Variants in SLCO2B1 observed in about 807,000 individuals in gnomAD.
SLCO2B1 encodes solute carrier organic anion transporter family member 2B1.
A neutral mutation model predicts 67.3 loss-of-function variants in SLCO2B1; 41 were observed. The observed-to-expected ratio is 0.61, with a 90% CI of 0.47 to 0.79. The LOEUF (loss-of-function observed/expected upper bound fraction) is 0.79, where lower values mean the gene tolerates loss of function less well. Ranked by LOEUF, SLCO2B1 falls within the 30% of genes least tolerant of loss-of-function variation. SLCO2B1 has a pLI of 0.00. For missense variants in SLCO2B1, 837 were observed against 920.1 expected (o/e 0.91, Z 1.17); for synonymous variants, 379 against 381.4 (o/e 0.99, Z 0.07).
chr11:75,159,964 A>T, intron 1 of SLCO2B1: 2 of 620,518 alleles, frequency 3.2e-6, no homozygotes, highest in Non-Finnish European at 4.0e-6. Context: ...GGGGCTAGAC[A>T]GGCTGGGGCA....
At chr11:75,198,328 G>A (rs1473556992) in intron 10 of SLCO2B1, among the ~76,000 whole-genome samples, 2 of 152,212 alleles carry the variant, frequency 1.3e-5, no homozygotes, top group African/African-American at 4.8e-5. Context: ...AAATAGGGGA[G>A]ATATTATTAA....
rs761697556 is a variant in SLCO2B1 at position 75,200,401 on chromosome 11, TG to T, written c.1763+18del. 50 of 1,577,038 alleles carry T rather than the reference TG, an allele frequency of 3.2e-5. 1 individual carries two copies. The Middle Eastern group carries it at 8.4e-4, about 26-fold the overall frequency. ...GCTCATCCTAAGGTGAAGGTGGGGG[TG>T]GGGCAGGGGCAGGTGGATACCAGGA... On this transcript the variant is annotated intron_variant, in intron 11 of 13. Coordinates refer to ENST00000289575, the MANE Select transcript of SLCO2B1 (RefSeq NM_007256.5).
intron 1 of SLCO2B1, among the ~76,000 whole-genome samples, chr11:75,155,709 C>T (rs987737811): frequency 6.6e-6 from 1 of 152,170 alleles, no homozygotes; most frequent in Non-Finnish European, 1.5e-5. Flanking sequence ...CCGCCTGCTT[C>T]AGCCTCCCAA....
chr11:75,182,232 C>G (rs1055741006), intron 7 of SLCO2B1, among the ~76,000 whole-genome samples: 2 of 152,220 alleles, frequency 1.3e-5, no homozygotes, highest in Admixed American at 6.5e-5. Flanking sequence ...TGTCACTCCC[C>G]TCCTGTTCCA....
chr11:75,151,521 G>A, intron 1 of SLCO2B1, 124 bp downstream of exon 1: 1 of 973,622 alleles, frequency 1.0e-6, no homozygotes, highest in South Asian at 1.4e-5. Context: ...TTGGCACAGA[G>A]CCAGGCACAT....
chr11:75,162,283 G>T (rs1949829992), intron 1 of SLCO2B1, among the ~76,000 whole-genome samples: 1 of 152,158 alleles, frequency 6.6e-6, no homozygotes, highest in South Asian at 2.1e-4. Context: ...CACAACCCAA[G>T]GCAGGCTGAG....
In SLCO2B1 at chr11:75,169,731, C is replaced by A. The variant is rs762316212; in HGVS notation, c.748C>A (p.Arg250Ser). 6 of 1,614,102 alleles carry A rather than the reference C, an allele frequency of 3.7e-6. No homozygotes were observed. The highest frequency in any genetic ancestry group is 4.5e-5 in the East Asian group (2 of 44,878). ...LAFGLGSLML[R>S]LYVDINQMPE... ...CTTTGGGCTGGGCAGCCTCATGCTG[C>A]GCCTTTATGTGGACATTAACCAGAT... Residue 250 changes from arginine to serine, a missense_variant, in exon 6 of 14, where the codon CGC becomes AGC. By Grantham distance (110) the Arg-to-Ser change is moderately radical. Coordinates refer to ENST00000289575, the MANE Select transcript of SLCO2B1 (RefSeq NM_007256.5).
At chr11:75,186,504 C>G (rs1019350648) in intron 7 of SLCO2B1, among the ~76,000 whole-genome samples, 1 of 151,654 alleles carries the variant, frequency 6.6e-6, no homozygotes, top group Non-Finnish European at 1.5e-5. Flanking sequence ...CCGCCACGCC[C>G]GACTGATTTT....
intron 10 of SLCO2B1, among the ~76,000 whole-genome samples, chr11:75,196,917 G>A (rs1322000716): frequency 1.3e-5 from 2 of 152,194 alleles, no homozygotes; most frequent in East Asian, 1.9e-4. Flanking sequence ...ATGACTTGAG[G>A]TCAGGAGTTC....
At chr11:75,160,412 C>A (rs1321474137) in intron 1 of SLCO2B1, among the ~76,000 whole-genome samples, 1 of 152,120 alleles carries the variant, frequency 6.6e-6, no homozygotes, top group Non-Finnish European at 1.5e-5. Context: ...AATAAGACAC[C>A]AAAGGGACGG....
chr11:75,159,281 C>T (rs1949784942), intron 1 of SLCO2B1, among the ~76,000 whole-genome samples: 1 of 152,234 alleles, frequency 6.6e-6, no homozygotes, highest in Non-Finnish European at 1.5e-5. Flanking sequence ...GGGTCCCTAG[C>T]CCCTGGAGCC....
In SLCO2B1 at chr11:75,172,499, T is replaced by C. The variant is rs773139597; in HGVS notation, c.902T>C (p.Met301Thr). 2 of 1,614,076 alleles carry C rather than the reference T, an allele frequency of 1.2e-6. No individual in the cohort carries two copies. The highest frequency in any genetic ancestry group is 1.7e-6 in the Non-Finnish European group (2 of 1,180,030). Residue 301 changes from methionine to threonine, a missense_variant, in exon 7 of 14, where the codon ATG (methionine) becomes ACG (threonine). Met to Thr is a moderately conservative substitution (Grantham distance 81, BLOSUM62 -1). Coordinates refer to ENST00000289575, the MANE Select transcript of SLCO2B1 (RefSeq NM_007256.5). ...AIPYFFFPKE[M>T]PKEKRELQFR... is the part of the protein sequence containing the mutation. The stretch of plus-strand genomic sequence containing the variant: ...CCCTACTTCTTCTTCCCCAAGGAAA[T>C]GCCCAAGGAAAAACGTGAGCTTCAG...
intron 6 of SLCO2B1, 115 bp downstream of exon 6, chr11:75,169,879 C>T: frequency 1.3e-6 from 1 of 787,980 alleles, no homozygotes; most frequent in East Asian, 2.5e-5. Context: ...TGACCTTGGG[C>T]AAGTCTCTTA....
chr11:75,165,879 C>A lies in SLCO2B1; in HGVS notation c.378C>A (p.Ala126=), dbSNP rs780643060. Residue 126 remains alanine, a synonymous_variant, in exon 4 of 14, where the codon GCC becomes GCA. Coordinates refer to ENST00000289575, the MANE Select transcript of SLCO2B1 (RefSeq NM_007256.5). The part of the protein sequence containing the change: ...RMIGYGAILV[A]LAGLLMTLPH... ...TTGGCTATGGGGCTATCCTTGTGGCCCTGGCGGGCCTGCTCATGACTCTCC... is the reference window on the plus strand; with the variant it reads ...TTGGCTATGGGGCTATCCTTGTGGCACTGGCGGGCCTGCTCATGACTCTCC... 1 of 1,614,156 alleles carries A rather than the reference C, an allele frequency of 6.2e-7. No individual in the cohort carries two copies. Among genetic ancestry groups the A allele is most frequent in the Non-Finnish European group, 8.5e-7 (1 of 1,180,004 alleles).
rs1237875669 is a variant in SLCO2B1, at chr11:75,172,416, G to A, written c.819G>A (p.Val273=). The A allele has an allele frequency of 1.2e-6, 2 of 1,614,164 alleles. No individual in the cohort carries two copies. Among genetic ancestry groups the A allele is most frequent in the South Asian group, 1.1e-5 (1 of 91,080 alleles). Residue 273 remains valine (V), a synonymous_variant, in exon 7 of 14, where the codon GTG becomes GTA. Transcript: ENST00000289575. Reference sequence around the variant, plus strand: ...TGACCATAAAGGACCCCCGATGGGTGGGTGCCTGGTGGCTGGGTTTCCTCA... The same window carrying A: ...TGACCATAAAGGACCCCCGATGGGTAGGTGCCTGGTGGCTGGGTTTCCTCA... ...ISLTIKDPRW[V]GAWWLGFLIA...
chr11:75,153,713 G>T (rs906386415), intron 1 of SLCO2B1, among the ~76,000 whole-genome samples: 1 of 152,158 alleles, frequency 6.6e-6, no homozygotes, highest in Non-Finnish European at 1.5e-5. Flanking sequence ...GAGGAGCGGG[G>T]GTCACTGGGC....
rs1945275943 is a variant in SLCO2B1 at position 75,206,289 on chromosome 11, A to G, written c.*1709A>G. Reference sequence around the variant, plus strand: ...TATTACAAAAATTCTTTCTTCATAAACTGCATTAGAGGTTTGCAACAACCA... The same window carrying G: ...TATTACAAAAATTCTTTCTTCATAAGCTGCATTAGAGGTTTGCAACAACCA... On this transcript the variant is annotated 3_prime_UTR_variant, in exon 14 of 14. Transcript: ENST00000289575. 1 of 152,196 alleles carries G rather than the reference A, an allele frequency of 6.6e-6. No individual in the cohort carries two copies. The highest frequency in any genetic ancestry group is 2.1e-4 in the South Asian group (1 of 4,828). The allele number at this position is 152,196 out of a possible 1,614,324, so 9.4% of individuals were successfully genotyped here.
intron 12 of SLCO2B1, 35 bp from the exon 13 acceptor site, chr11:75,203,272 G>T: frequency 6.2e-7 from 1 of 1,607,744 alleles, no homozygotes. Context: ...TAGGACGGTG[G>T]GCCTTCATTG....
chr11:75,202,705 ATAT>A, intron 11 of SLCO2B1, 193 bp from the exon 12 acceptor site: 1 of 610,222 alleles, frequency 1.6e-6, no homozygotes, highest in Non-Finnish European at 2.9e-6. Context: ...GTTGTCTTGT[ATAT>A]GGGACCAGGC....
Sources: allele counts gnomAD v4.1 joint callset (sites outside exome capture counted in the v4.1 genomes callset), GRCh38; gene constraint gnomAD v4.1.1; transcripts MANE v1.5; gene names NCBI Gene and HGNC (gene_info 2026-07-23, HGNC 2026-07-21).